The following CRPPA variants were observed in gnomAD, a reference collection of about 807,000 sequenced individuals.
The protein encoded by CRPPA is CDP-L-ribitol pyrophosphorylase A.
A neutral mutation model predicts 52.0 loss-of-function variants in CRPPA; 43 were observed. The observed-to-expected ratio is 0.83, with a 90% CI of 0.65 to 1.07. The LOEUF is 1.07. CRPPA is among the 50% of genes least tolerant of loss of function. The probability of loss-of-function intolerance (pLI) is 0.00; values close to 1 mark genes in which losing one functional copy is unlikely to be tolerated. For synonymous variants in CRPPA, 250 were observed against 203.5 expected (o/e 1.23, Z -1.94); for missense variants, 629 against 551.7 (o/e 1.14, Z -1.40).
chr7:16,186,843 T>C (rs1025416853), intron 9 of CRPPA, among the ~76,000 whole-genome samples: 4 of 151,994 alleles, frequency 2.6e-5, no homozygotes, highest in Admixed American at 1.3e-4. Context: ...GGAGGAAAAA[T>C]ACCAAGGAGA....
intron 9 of CRPPA, among the ~76,000 whole-genome samples, chr7:16,176,064 T>A (rs1460927141): frequency 1.3e-5 from 2 of 152,156 alleles, no homozygotes; most frequent in Admixed American, 1.3e-4. Context: ...GAACTGTGGT[T>A]AGAAGAAGTT....
intron 3 of CRPPA, among the ~76,000 whole-genome samples, chr7:16,361,015 C>G (rs1562653489): frequency 6.6e-6 from 1 of 151,992 alleles, no homozygotes. Flanking sequence ...CTAAACTCGA[C>G]AAAAAATAAC....
At chr7:16,346,295 G>A (rs1359815667) in intron 3 of CRPPA, among the ~76,000 whole-genome samples, 1 of 152,054 alleles carries the variant, frequency 6.6e-6, no homozygotes, top group Non-Finnish European at 1.5e-5. Context: ...TATGACGGAA[G>A]TAAAAGAATA....
At chr7:16,209,159 A>G (rs924149282) in intron 9 of CRPPA, 2 of 355,490 alleles carry the variant, frequency 5.6e-6, no homozygotes, top group African/African-American at 4.3e-5. Flanking sequence ...GGCTTAGTGC[A>G]TTAAGCCCAG....
At chr7:16,186,713 G>A (rs2128389233) in intron 9 of CRPPA, among the ~76,000 whole-genome samples, 1 of 152,266 alleles carries the variant, frequency 6.6e-6, no homozygotes, top group East Asian at 1.9e-4. Flanking sequence ...CAATTTATAT[G>A]TTTTAAATAG....
intron 8 of CRPPA, among the ~76,000 whole-genome samples, chr7:16,249,609 CA>C (rs1252644589): frequency 6.6e-6 from 1 of 152,156 alleles, no homozygotes; most frequent in South Asian, 2.1e-4. Context: ...GGACTTCCAG[CA>C]AACTCCAACA....
At chr7:16,227,314 T>C (rs1196521229) in intron 8 of CRPPA, among the ~76,000 whole-genome samples, 2 of 151,914 alleles carry the variant, frequency 1.3e-5, no homozygotes, top group African/African-American at 4.8e-5. Context: ...ATCTCCATAC[T>C]GCTTTCTATA....
chr7:16,338,960 C>T (rs527943789), intron 3 of CRPPA, among the ~76,000 whole-genome samples: 33 of 151,990 alleles, frequency 2.2e-4, no homozygotes, highest in African/African-American at 7.5e-4. Context: ...GGACTACAGG[C>T]ATCCGTCACC....
At chr7:16,378,453 T>C (rs948568018) in intron 2 of CRPPA, among the ~76,000 whole-genome samples, 19 of 152,074 alleles carry the variant, frequency 1.2e-4, no homozygotes, top group Non-Finnish European at 2.4e-4. Context: ...TCATTTTTTA[T>C]GGCTGCATAG....
chr7:16,328,062 A>C (rs766937995), intron 3 of CRPPA, among the ~76,000 whole-genome samples: 2 of 152,236 alleles, frequency 1.3e-5, no homozygotes, highest in Non-Finnish European at 1.5e-5. Flanking sequence ...TAATGCTTTT[A>C]AAATCTACAT....
chr7:16,165,500 G>A (rs1583402354), intron 9 of CRPPA, among the ~76,000 whole-genome samples: 1 of 152,166 alleles, frequency 6.6e-6, no homozygotes, highest in Non-Finnish European at 1.5e-5. Context: ...ACAGACACAT[G>A]TTCTTGTCAT....
chr7:16,387,849 T>C (rs936851386), intron 2 of CRPPA, among the ~76,000 whole-genome samples: 1 of 152,200 alleles, frequency 6.6e-6, no homozygotes, highest in South Asian at 2.1e-4. Flanking sequence ...CTATTTGAAG[T>C]GCACATAGAA....
Position 16,271,484 on chromosome 7 carries a change from A to T in CRPPA, c.933+6645T>A, listed in dbSNP as rs117263140. Among the ~76,000 whole-genome samples, 16 of 152,274 alleles carry T rather than the reference A, an allele frequency of 1.1e-4. No homozygotes were observed. In the East Asian group the frequency reaches 3.1e-3, roughly 29 times the overall value. On this transcript the variant is annotated intron_variant, in intron 6 of 9. Transcript: ENST00000407010. ...GGTAACAGTAGAAGTGGTAAACTCA[A>T]CATAAAAAGCCTACAAGGCTCTTTC...
intron 5 of CRPPA, among the ~76,000 whole-genome samples, chr7:16,289,259 C>T (rs1319658935): frequency 2.0e-5 from 3 of 152,064 alleles, no homozygotes; most frequent in African/African-American, 4.8e-5. Flanking sequence ...GATTCACTGT[C>T]GAGCTCTACC....
At chr7:16,106,053 T>C (rs991426280) in intron 9 of CRPPA, among the ~76,000 whole-genome samples, 1 of 151,976 alleles carries the variant, frequency 6.6e-6, no homozygotes, top group Non-Finnish European at 1.5e-5. Context: ...CTCAGAGAAG[T>C]GTAGCCAGCT....
Position 16,100,543 on chromosome 7 carries a change from C to T in CRPPA, c.1252-8744G>A, listed in dbSNP as rs150810416. 6.1e-4 allele frequency among the ~76,000 whole-genome samples: 93 copies of T among 152,196 alleles called. No individual in the cohort carries two copies. The East Asian group carries it at 0.014, about 23-fold the overall frequency. Reference sequence around the variant, plus strand: ...CTTAAGATATCTTTGAAATATCGAACGTTTTAGGCTGAGACAATGGAGTTT... The same window carrying T: ...CTTAAGATATCTTTGAAATATCGAATGTTTTAGGCTGAGACAATGGAGTTT... On this transcript the variant is annotated intron_variant, in intron 9 of 9. Transcript: ENST00000407010.
At chr7:16,389,928 A>AAAAATATAT in intron 2 of CRPPA, among the ~76,000 whole-genome samples, 32 of 29,756 alleles carry the variant, frequency 1.1e-3, no homozygotes, top group African/African-American at 5.2e-3. Flanking sequence ...AAAAAAAAAA[A>AAAAATATAT]ATATATATAT....
chr7:16,239,006 G>C (rs1236524663), intron 8 of CRPPA, among the ~76,000 whole-genome samples: 2 of 151,814 alleles, frequency 1.3e-5, no homozygotes, highest in African/African-American at 4.8e-5. Context: ...AGGTGTGGTG[G>C]CAGGTGACTA....
chr7:16,394,997 T>C (rs1231141063), intron 2 of CRPPA, among the ~76,000 whole-genome samples: 1 of 152,188 alleles, frequency 6.6e-6, no homozygotes, highest in East Asian at 1.9e-4. Context: ...ACCTCAATTT[T>C]GTGATGTTTT....
Sources: gnomAD v4.1 joint callset for allele counts (sites outside exome capture counted in the v4.1 genomes callset) on GRCh38, gnomAD v4.1.1 for gene constraint, MANE v1.5 for transcripts, NCBI Gene and HGNC (gene_info 2026-07-23, HGNC 2026-07-21) for gene names.